The following DENND1A variants were observed in gnomAD, a reference collection of about 807,000 sequenced individuals.
DENND1A encodes DENN domain containing 1A, also known as DENN domain-containing protein 1A.
Under a neutral mutation model 113.7 loss-of-function variants are expected in DENND1A, and 51 were observed. The ratio of observed to expected loss-of-function variants is 0.45; its 90% CI spans 0.36 to 0.57. The LOEUF (loss-of-function observed/expected upper bound fraction) is 0.57, where lower values mean the gene tolerates loss of function less well. Ranked by LOEUF, DENND1A falls within the 20% of genes least tolerant of loss-of-function variation. DENND1A has a pLI of 0.00. For synonymous variants in DENND1A, 565 were observed against 570.8 expected, an observed-to-expected ratio of 0.99 and a Z score of 0.14; for missense variants, 1,258 against 1,395.9, an observed-to-expected ratio of 0.90 and a Z score of 1.57.
intron 2 of DENND1A, among the ~76,000 whole-genome samples, chr9:123,876,643 A>G (rs1847510939): frequency 6.6e-6 from 1 of 152,208 alleles, no homozygotes; most frequent in South Asian, 2.1e-4. Context: ...AATCTAAGGA[A>G]AGAGCATACG....
intron 18 of DENND1A, among the ~76,000 whole-genome samples, chr9:123,449,465 G>T (rs1490769651): frequency 3.3e-5 from 5 of 151,704 alleles, no homozygotes; most frequent in Non-Finnish European, 7.4e-5. Flanking sequence ...AACCCGGGAG[G>T]TGGAGGTTGC....
intron 13 of DENND1A, among the ~76,000 whole-genome samples, chr9:123,480,621 G>T (rs2050258476): frequency 6.6e-6 from 1 of 152,032 alleles, no homozygotes; most frequent in Non-Finnish European, 1.5e-5. Flanking sequence ...TCCCTCTTGG[G>T]GTCTTCCTCT....
chr9:123,838,298 G>T (rs1841331944), intron 2 of DENND1A, among the ~76,000 whole-genome samples: 1 of 151,972 alleles, frequency 6.6e-6, no homozygotes, highest in Admixed American at 6.5e-5. Flanking sequence ...GGAAGAATAA[G>T]AAAAAATACA....
At chr9:123,624,393 T>A (rs965074974) in intron 10 of DENND1A, among the ~76,000 whole-genome samples, 6 of 152,176 alleles carry the variant, frequency 3.9e-5, no homozygotes, top group African/African-American at 1.4e-4. Context: ...AAAGCAGTGG[T>A]AGTGGCTGAA....
chr9:123,848,837 T>C (rs1031132391), intron 2 of DENND1A, among the ~76,000 whole-genome samples: 4 of 152,186 alleles, frequency 2.6e-5, no homozygotes, highest in Non-Finnish European at 5.9e-5. Flanking sequence ...AAAGTTTTAG[T>C]GGTCTGGACA....
At chr9:123,872,605 C>A (rs1182329498) in intron 2 of DENND1A, among the ~76,000 whole-genome samples, 2 of 152,094 alleles carry the variant, frequency 1.3e-5, no homozygotes, top group East Asian at 1.9e-4. Context: ...TTCTCTTGTT[C>A]ATCATTTTCC....
chr9:123,744,453 T>C (rs771483657), intron 5 of DENND1A, among the ~76,000 whole-genome samples: 4 of 152,356 alleles, frequency 2.6e-5, no homozygotes, highest in Non-Finnish European at 5.9e-5. Flanking sequence ...CATATATCCG[T>C]ACTTATATTT....
At chr9:123,398,937 A>G (rs1364263691) in intron 21 of DENND1A, among the ~76,000 whole-genome samples, 7 of 151,410 alleles carry the variant, frequency 4.6e-5, no homozygotes, top group Non-Finnish European at 8.8e-5. Flanking sequence ...TGGGATTACA[A>G]GCATGTATCA....
intron 8 of DENND1A, among the ~76,000 whole-genome samples, chr9:123,655,372 G>A (rs2062884226): frequency 6.6e-6 from 1 of 152,164 alleles, no homozygotes; most frequent in Admixed American, 6.5e-5. Context: ...GTGCAGTGAG[G>A]AATGCACCAG....
chr9:123,766,542 G>C (rs1025813662), intron 4 of DENND1A, among the ~76,000 whole-genome samples: 1 of 152,118 alleles, frequency 6.6e-6, no homozygotes, highest in Admixed American at 6.6e-5. Context: ...ATCAAACCTC[G>C]TTTCCTTCCT....
chr9:123,903,441 T>C (rs1852105355), intron 1 of DENND1A, among the ~76,000 whole-genome samples: 1 of 151,414 alleles, frequency 6.6e-6, no homozygotes, highest in South Asian at 2.1e-4. Flanking sequence ...GGGTGATTTC[T>C]GCATTTCCAT....
At chr9:123,604,306 A>C (rs1267327839) in intron 11 of DENND1A, among the ~76,000 whole-genome samples, 3 of 152,210 alleles carry the variant, frequency 2.0e-5, no homozygotes, top group East Asian at 1.9e-4. Flanking sequence ...TCCTCTGAGA[A>C]GCATTATTCT....
chr9:123,852,314 C>A (rs1843506376), intron 2 of DENND1A, among the ~76,000 whole-genome samples: 1 of 152,094 alleles, frequency 6.6e-6, no homozygotes, highest in Non-Finnish European at 1.5e-5. Flanking sequence ...AAGGATGGCA[C>A]TTTTGGGGAC....
At chr9:123,913,233 G>A (rs1588215986) in intron 1 of DENND1A, among the ~76,000 whole-genome samples, 1 of 151,236 alleles carries the variant, frequency 6.6e-6, no homozygotes, top group Admixed American at 6.6e-5. Context: ...TTTCAGACAT[G>A]CGAGAACCCA....
At chr9:123,583,570 T>C (rs1235393733) in intron 11 of DENND1A, among the ~76,000 whole-genome samples, 1 of 152,148 alleles carries the variant, frequency 6.6e-6, no homozygotes, top group African/African-American at 2.4e-5. Flanking sequence ...CCCATCATCA[T>C]TTTTCCCCTA....
intron 5 of DENND1A, among the ~76,000 whole-genome samples, chr9:123,707,581 A>C (rs2066309477): frequency 6.6e-6 from 1 of 152,142 alleles, no homozygotes; most frequent in African/African-American, 2.4e-5. Flanking sequence ...ATCAAAGAGA[A>C]GGCAGTGATT....
chr9:123,820,655 CT>C (rs1254310359), intron 2 of DENND1A, among the ~76,000 whole-genome samples: 5 of 152,018 alleles, frequency 3.3e-5, no homozygotes, highest in Admixed American at 2.0e-4. Flanking sequence ...TTTTGGGGTA[CT>C]TTTTTTCTTT....
chr9:123,711,482 A>T lies in DENND1A; in HGVS notation c.303-34693T>A, dbSNP rs372556098. ...CTCCATCTCAAAATAATAATAAATT[A>T]AAAAATATATATATATATATATGTA... On this transcript the variant is annotated intron_variant, in intron 5 of 23. Transcript: ENST00000394215. 1.4e-3 allele frequency among the ~76,000 whole-genome samples: 107 copies of T among 78,398 alleles called. 1 individual carries two copies. Among genetic ancestry groups the T allele is most frequent in the Admixed American group, 2.8e-3 (21 of 7,410 alleles). 51.4% of individuals were successfully genotyped at this position (78,398 alleles called of 152,430 possible).
chr9:123,384,541 G>A (rs1323119282), intron 22 of DENND1A, among the ~76,000 whole-genome samples: 1 of 152,210 alleles, frequency 6.6e-6, no homozygotes. Context: ...TGCGGTGCCC[G>A]GCACACAGCA....
Sources: gnomAD v4.1 joint callset for allele counts (sites outside exome capture counted in the v4.1 genomes callset) on GRCh38, gnomAD v4.1.1 for gene constraint, MANE v1.5 for transcripts, NCBI Gene and HGNC (gene_info 2026-07-23, HGNC 2026-07-21) for gene names.